SMG1: variants seen among roughly 807,000 people sequenced by gnomAD.
The protein encoded by SMG1 is SMG1 nonsense mediated mRNA decay associated PI3K related kinase, also known as serine/threonine-protein kinase SMG1.
Under a neutral mutation model 419.9 loss-of-function variants are expected in SMG1, and 22 were observed. The observed-to-expected ratio is 0.05, with a 90% CI of 0.04 to 0.07. The LOEUF (loss-of-function observed/expected upper bound fraction) is 0.07, where lower values mean the gene tolerates loss of function less well. Among genes scored for constraint, SMG1 ranks in the 10% least tolerant of loss-of-function variants. The pLI is 1.00. For missense variants in SMG1, 3,185 were observed against 4,342.0 expected (o/e 0.73, Z 7.49); for synonymous variants, 1,538 against 1,553.5 (o/e 0.99, Z 0.23).
rs1314563247 is a variant in SMG1, at chr16:18,842,409, T to C, written c.6265A>G (p.Ile2089Val). Residue 2089 changes from isoleucine (I) to valine (V), a missense_variant, in exon 40 of 63, where the codon ATC (isoleucine) becomes GTC (valine). Physicochemically the swap from Ile to Val is conservative, Grantham distance 29. Around this residue, in one of 27 missense-constraint regions of SMG1, gnomAD observed 159 missense variants for 196.0 expected, o/e 0.81. Transcript: ENST00000446231. ...GGACTGATTTCTTCAAGACGCAAGA[T>C]GTAACTTGCACGTTTCTGTGCTCTC... Reference protein sequence around the residue: ...QQRAQKRASYILRLEEISPWL... With the variant: ...QQRAQKRASYVLRLEEISPWL... 2 of 1,614,002 alleles carry C rather than the reference T, an allele frequency of 1.2e-6. No homozygotes were observed. Among genetic ancestry groups the C allele is most frequent in the Non-Finnish European group, 8.5e-7 (1 of 1,179,856 alleles).
intron 54 of SMG1, among the ~76,000 whole-genome samples, chr16:18,828,736 C>T (rs912532818): frequency 6.6e-6 from 1 of 152,174 alleles, no homozygotes; most frequent in African/African-American, 2.4e-5. Flanking sequence ...TGGTGGCTCA[C>T]GCCTATAATC....
At chr16:18,883,852 G>A (rs1290321166) in intron 9 of SMG1, among the ~76,000 whole-genome samples, 9 of 151,320 alleles carry the variant, frequency 5.9e-5, no homozygotes, top group African/African-American at 9.7e-5. Flanking sequence ...CCAGGAGGTG[G>A]AGGTTGCAGT....
intron 6 of SMG1, among the ~76,000 whole-genome samples, chr16:18,887,801 C>G (rs2036698449): frequency 1.4e-5 from 1 of 72,316 alleles, no homozygotes; most frequent in Non-Finnish European, 2.6e-5. Context: ...AAAAAAAAAC[C>G]CTAATATCAG....
chr16:18,897,141 T>C (rs2037164652), intron 1 of SMG1, among the ~76,000 whole-genome samples, 185 bp from the exon 2 acceptor site: 2 of 152,182 alleles, frequency 1.3e-5, no homozygotes, highest in African/African-American at 2.4e-5. Flanking sequence ...AGATTCTCAA[T>C]GGATGAAATG....
At position 18,807,243 on chromosome 16, in the gene SMG1, T is replaced by C. The variant is rs533290807; in HGVS notation, c.*2326A>G. 3.3e-5 allele frequency: 5 copies of C among 152,288 alleles called. No individual in the cohort carries two copies. The East Asian group carries it at 9.6e-4, about 29-fold the overall frequency. The allele number at this position is 152,288 out of a possible 1,614,324, so 9.4% of individuals were successfully genotyped here. On this transcript the variant is annotated 3_prime_UTR_variant, in exon 63 of 63. Transcript: ENST00000446231. Reference sequence around the variant, plus strand: ...AATACTATCTATAGTGCTAAACTAATGTGAACTGACTATCATTGCGATAAA... The same window carrying C: ...AATACTATCTATAGTGCTAAACTAACGTGAACTGACTATCATTGCGATAAA...
chr16:18,811,263 T>A (rs1342897604), intron 62 of SMG1, among the ~76,000 whole-genome samples: 1 of 152,188 alleles, frequency 6.6e-6, no homozygotes, highest in Non-Finnish European at 1.5e-5. Context: ...ATTTTATACA[T>A]TTTCAGTGAT....
At position 18,836,353 on chromosome 16, in the gene SMG1, C is replaced by T. The variant is rs1567340668; in HGVS notation, c.7777+7G>A. On this transcript the variant is annotated splice_region_variant and intron_variant, in intron 47 of 62. Transcript: ENST00000446231. ...CACATGTGAATCTAAAATAAGTCAA[C>T]CCATACCAAGGTCCATTTGTGTGCT... 6.2e-7 allele frequency: 1 copy of T among 1,612,068 alleles called. No homozygotes were observed. The highest frequency in any genetic ancestry group is 2.2e-5 in the East Asian group (1 of 44,884).
intron 61 of SMG1, 27 bp from the exon 62 acceptor site, chr16:18,811,894 G>A: frequency 1.9e-6 from 3 of 1,613,060 alleles, no homozygotes; most frequent in Non-Finnish European, 2.5e-6. Flanking sequence ...ACATACGTAA[G>A]TCAAACCGTC....
intron 1 of SMG1, among the ~76,000 whole-genome samples, chr16:18,914,805 T>A (rs933670424): frequency 4.6e-5 from 7 of 152,294 alleles, no homozygotes; most frequent in Admixed American, 2.0e-4. Context: ...AGTGCTTAAA[T>A]TTTTAGTGAT....
intron 1 of SMG1, chr16:18,911,683 T>G (rs1041678550): frequency 6.6e-6 from 1 of 152,112 alleles, no homozygotes; most frequent in Non-Finnish European, 1.5e-5. Flanking sequence ...CAGCTGGTAG[T>G]GCCAATACAA....
chr16:18,889,902 A>G (rs2036802570), intron 5 of SMG1, among the ~76,000 whole-genome samples: 1 of 152,252 alleles, frequency 6.6e-6, no homozygotes, highest in Non-Finnish European at 1.5e-5. Context: ...ACAAATAATT[A>G]GATAAAACAC....
intron 22 of SMG1, among the ~76,000 whole-genome samples, chr16:18,867,833 C>G (rs953468187): frequency 1.3e-5 from 2 of 150,740 alleles, no homozygotes; most frequent in Non-Finnish European, 3.0e-5. Flanking sequence ...CTCAGCCTCC[C>G]GAGTAGCTGG....
At chr16:18,885,882 G>A (rs9934009) in intron 6 of SMG1, among the ~76,000 whole-genome samples, 10,616 of 151,906 alleles carry the variant, frequency 0.07, 375 homozygotes, top group African/African-American at 0.094. Flanking sequence ...GGAGGCAGAG[G>A]TTGCAGTGAG....
At chr16:18,910,919 T>C (rs914747216) in intron 1 of SMG1, among the ~76,000 whole-genome samples, 2 of 152,208 alleles carry the variant, frequency 1.3e-5, no homozygotes, top group African/African-American at 2.4e-5. Flanking sequence ...GGTGTTCTTA[T>C]AAGAATCAGT....
At chr16:18,858,771 C>T (rs2035054574) in intron 28 of SMG1, 8 of 381,198 alleles carry the variant, frequency 2.1e-5, no homozygotes, top group African/African-American at 8.5e-5. Flanking sequence ...TCTTTACATA[C>T]ACCACCTCCC....
intron 11 of SMG1, chr16:18,877,866 T>C (rs921564146): frequency 1.4e-3 from 214 of 152,232 alleles, no homozygotes; most frequent in African/African-American, 4.7e-3. Context: ...TTCACATTAG[T>C]AAAAAGAGGT....
chr16:18,828,527 CTG>C (rs34489355), intron 54 of SMG1, among the ~76,000 whole-genome samples: 43,562 of 152,054 alleles, frequency 0.29, 7,459 homozygotes, highest in Non-Finnish European at 0.38. Context: ...AAAGCCTGTG[CTG>C]TTATACATCC....
At chr16:18,837,502 G>A (rs886793020) in intron 45 of SMG1, 59 bp from the exon 46 acceptor site, 2 of 1,422,148 alleles carry the variant, frequency 1.4e-6, no homozygotes, top group African/African-American at 2.9e-5. Context: ...AGACACAACA[G>A]TGTCAGAAGA....
At chr16:18,859,262 A>G (rs2035083358) in intron 27 of SMG1, 81 bp from the exon 28 acceptor site, 2 of 1,098,634 alleles carry the variant, frequency 1.8e-6, no homozygotes, top group African/African-American at 3.1e-5. Flanking sequence ...ATAAGATGCT[A>G]TCAAACTGAC....
Sources: allele counts gnomAD v4.1 joint callset (sites outside exome capture counted in the v4.1 genomes callset), GRCh38; gene constraint gnomAD v4.1.1; regional missense constraint gnomAD v4.1.1; transcripts MANE v1.5; gene names NCBI Gene and HGNC (gene_info 2026-07-23, HGNC 2026-07-21).